The following GPC3 variants were observed in gnomAD, a reference collection of about 807,000 sequenced individuals.
GPC3 encodes glypican 3.
A neutral mutation model predicts 34.4 loss-of-function variants in GPC3; 3 were observed. That is an observed-to-expected ratio of 0.09 (90% CI 0.04 to 0.23). The LOEUF is 0.23. Ranked by LOEUF, GPC3 falls within the 10% of genes least tolerant of loss-of-function variation. The pLI is 1.00. For synonymous variants in GPC3, 177 were observed against 174.0 expected (o/e 1.02, Z -0.13); for missense variants, 351 against 445.6 (o/e 0.79, Z 1.91).
At chrX:133,722,739 A>G (rs2071378948) in intron 3 of GPC3, among the ~76,000 whole-genome samples, 1 of 111,598 alleles carries the variant, frequency 9.0e-6, no homozygotes, top group Admixed American at 9.5e-5. Flanking sequence ...GTCTCTGTTG[A>G]TTGCCTTGCA....
At chrX:133,627,627 T>C (rs1399168428) in intron 6 of GPC3, among the ~76,000 whole-genome samples, 1 of 112,613 alleles carries the variant, frequency 8.9e-6, no homozygotes, top group African/African-American at 3.2e-5. Context: ...ATCTGATAAG[T>C]ACAAATTCAA....
intron 2 of GPC3, among the ~76,000 whole-genome samples, chrX:133,909,919 G>A (rs762828032): frequency 2.7e-4 from 30 of 111,613 alleles, no homozygotes; most frequent in African/African-American, 9.4e-4. Context: ...TGAAGGTTTG[G>A]AATCAGAAAT....
rs181080758 is a variant in GPC3, at chrX:133,791,847, T to C, written c.338-37671A>G. On this transcript the variant is annotated intron_variant, in intron 2 of 7. Transcript: ENST00000370818. ...TTCCTTCCTTCCTTCCTTCCTTCCT[T>C]CCTCCCTCCCTCCCTCTCTCTCTTT... 4.9e-3 allele frequency among the ~76,000 whole-genome samples: 310 copies of C among 63,802 alleles called. 1 individual carries two copies. Among genetic ancestry groups the C allele is most frequent in the East Asian group, 0.038 (81 of 2,106 alleles). 55.4% of individuals were successfully genotyped at this position (63,802 alleles called of 115,157 possible).
intron 2 of GPC3, among the ~76,000 whole-genome samples, chrX:133,910,998 T>C (rs1451888276): frequency 8.9e-6 from 1 of 111,794 alleles, no homozygotes; most frequent in East Asian, 2.8e-4. Context: ...CCACTGTCTT[T>C]CATCCAATTG....
chrX:133,646,394 C>A (rs1238073593), intron 6 of GPC3, among the ~76,000 whole-genome samples: 2 of 112,080 alleles, frequency 1.8e-5, no homozygotes, highest in African/African-American at 6.5e-5. Flanking sequence ...TCCTTCCTTA[C>A]AGAAATGATT....
At position 133,900,308 on chromosome X, in the gene GPC3, T is replaced by C. The variant is rs1186033190; in HGVS notation, c.337+52742A>G. 2.7e-5 allele frequency among the ~76,000 whole-genome samples: 3 copies of C among 112,509 alleles called. No individual in the cohort carries two copies. In the Admixed American group the frequency reaches 2.8e-4, roughly 11 times the overall value. On this transcript the variant is annotated intron_variant, in intron 2 of 7. Coordinates refer to ENST00000370818, the MANE Select transcript of GPC3 (RefSeq NM_004484.4). Reference sequence around the variant, plus strand: ...AGAAGATAACAATCAATCAAATATTTATTGATTGCCTGGCACATAGAGGGC... The same window carrying C: ...AGAAGATAACAATCAATCAAATATTCATTGATTGCCTGGCACATAGAGGGC...
chrX:133,626,958 A>G (rs1177245598), intron 6 of GPC3, among the ~76,000 whole-genome samples: 2 of 108,937 alleles, frequency 1.8e-5, no homozygotes, highest in African/African-American at 6.7e-5. Flanking sequence ...AATGTGGCAC[A>G]TATACACCAT....
intron 6 of GPC3, among the ~76,000 whole-genome samples, chrX:133,606,578 T>G (rs1267945953): frequency 9.0e-6 from 1 of 111,322 alleles, no homozygotes; most frequent in East Asian, 2.8e-4. Flanking sequence ...CATGCCACCA[T>G]GCCTGAATAC....
chrX:133,906,895 G>A (rs2076170296), intron 2 of GPC3, among the ~76,000 whole-genome samples: 1 of 111,508 alleles, frequency 9.0e-6, no homozygotes, highest in Non-Finnish European at 1.9e-5. Flanking sequence ...TGGCTAACAC[G>A]AGACCATCCT....
chrX:133,983,221 T>A (rs950140023), intron 1 of GPC3, among the ~76,000 whole-genome samples: 1 of 112,659 alleles, frequency 8.9e-6, no homozygotes, highest in Non-Finnish European at 1.9e-5. Context: ...TTTGTGTTTG[T>A]TAAATAGAAC....
intron 6 of GPC3, among the ~76,000 whole-genome samples, chrX:133,602,427 T>C (rs1318183621): frequency 1.8e-5 from 2 of 111,289 alleles, no homozygotes; most frequent in Non-Finnish European, 1.9e-5. Flanking sequence ...TAGATTCTCA[T>C]AGGAATGGGA....
At chrX:133,738,089 G>A (rs1002701510) in intron 3 of GPC3, among the ~76,000 whole-genome samples, 1 of 111,506 alleles carries the variant, frequency 9.0e-6, no homozygotes, top group Non-Finnish European at 1.9e-5. Context: ...TCAGGCTCCC[G>A]AGTAGCTGAG....
chrX:133,661,582 C>T (rs1603215393), intron 6 of GPC3, 148 bp downstream of exon 6: 6 of 13,714 alleles, frequency 4.4e-4, no homozygotes, highest in East Asian at 6.6e-3. Flanking sequence ...CTCTCTCTCT[C>T]TCTCTCTCTC....
intron 2 of GPC3, among the ~76,000 whole-genome samples, chrX:133,889,061 G>A (rs2076074380): frequency 8.9e-6 from 1 of 111,984 alleles, no homozygotes; most frequent in Non-Finnish European, 1.9e-5. Flanking sequence ...ACACAATAAT[G>A]GCATGGAATG....
intron 1 of GPC3, among the ~76,000 whole-genome samples, chrX:133,959,526 G>T (rs1602563160): frequency 8.9e-6 from 1 of 112,316 alleles, no homozygotes; most frequent in South Asian, 3.7e-4. Flanking sequence ...TGATTCCTCA[G>T]GTCAAGTTGT....
chrX:133,892,991 C>T (rs951202951), intron 2 of GPC3, among the ~76,000 whole-genome samples: 6 of 111,927 alleles, frequency 5.4e-5, no homozygotes, highest in African/African-American at 1.9e-4. Context: ...CACAGTGGCT[C>T]ATGTCTGTAA....
At chrX:133,916,621 G>A (rs1016315526) in intron 2 of GPC3, among the ~76,000 whole-genome samples, 2 of 111,636 alleles carry the variant, frequency 1.8e-5, no homozygotes, top group Admixed American at 1.9e-4. Context: ...GCTCACATCC[G>A]TAATCCGAGG....
At chrX:133,677,307 C>T (rs913927823) in intron 5 of GPC3, among the ~76,000 whole-genome samples, 1 of 111,538 alleles carries the variant, frequency 9.0e-6, no homozygotes, top group African/African-American at 3.3e-5. Flanking sequence ...ATCACTTTCA[C>T]TTTGGTCTAC....
At chrX:133,556,694 GT>G (rs1412233467) in intron 7 of GPC3, among the ~76,000 whole-genome samples, 188 of 94,935 alleles carry the variant, frequency 2.0e-3, no homozygotes, top group African/African-American at 6.8e-3. Context: ...GGAGAGTAAT[GT>G]TTTTTTTTCT....
Sources: gnomAD v4.1 joint callset for allele counts (sites outside exome capture counted in the v4.1 genomes callset) on GRCh38, gnomAD v4.1.1 for gene constraint, MANE v1.5 for transcripts, NCBI Gene and HGNC (gene_info 2026-07-23, HGNC 2026-07-21) for gene names.